LOXHD1: variants seen among roughly 807,000 people sequenced by gnomAD.
LOXHD1 encodes lipoxygenase homology domain-containing protein 1.
LOXHD1 carries 205 observed loss-of-function variants against 248.2 expected under a neutral mutation model. The observed-to-expected ratio is 0.83, with a 90% CI of 0.74 to 0.93. LOXHD1 has a LOEUF of 0.93. LOXHD1 is among the 40% of genes least tolerant of loss of function. LOXHD1 has a pLI of 0.00. For synonymous variants in LOXHD1, 1,113 were observed against 1,162.8 expected (o/e 0.96, Z 0.87); for missense variants, 2,930 against 2,971.6 (o/e 0.99, Z 0.33).
intron 1 of LOXHD1, among the ~76,000 whole-genome samples, chr18:46,654,833 G>A (rs977125237): frequency 5.9e-5 from 9 of 152,124 alleles, no homozygotes; most frequent in African/African-American, 2.2e-4. Context: ...AGAATCCATG[G>A]TTCCCTTAGA....
At chr18:46,543,783 A>T (rs968350576) in intron 23 of LOXHD1, among the ~76,000 whole-genome samples, 3 of 152,196 alleles carry the variant, frequency 2.0e-5, no homozygotes, top group African/African-American at 7.2e-5. Context: ...CTCTAAGTCA[A>T]TGCTGCACCA....
rs1034235639 is a variant in LOXHD1 at position 46,639,743 on chromosome 18, C to G, written c.384G>C (p.Val128=). Residue 128 remains valine, a synonymous_variant, in exon 4 of 41, where the codon GTG becomes GTC. Transcript: ENST00000642948. ...NASWYLDHVI[V]TDMKRPHLRY... Reference sequence around the variant, plus strand: ...GGAGATGAGGCCTCTTCATGTCGGTCACAATCACATGGTCCAGGTACCAGC... The same window carrying G: ...GGAGATGAGGCCTCTTCATGTCGGTGACAATCACATGGTCCAGGTACCAGC... The G allele has an allele frequency of 7.7e-6, 12 of 1,551,580 alleles. No homozygotes were observed. In the Admixed American group the frequency reaches 9.8e-5, roughly 13 times the overall value.
At chr18:46,512,810 T>C (rs2035044121) in intron 34 of LOXHD1, among the ~76,000 whole-genome samples, 1 of 152,238 alleles carries the variant, frequency 6.6e-6, no homozygotes, top group Non-Finnish European at 1.5e-5. Flanking sequence ...AACAAACCAC[T>C]GGATCTCTCT....
chr18:46,597,647 A>T (rs2144263661), intron 8 of LOXHD1, among the ~76,000 whole-genome samples: 1 of 152,278 alleles, frequency 6.6e-6, no homozygotes, highest in South Asian at 2.1e-4. Context: ...AATTTTTTAC[A>T]GTCTCTTTTA....
chr18:46,555,890 C>T (rs1324580336), intron 21 of LOXHD1, among the ~76,000 whole-genome samples: 1 of 152,084 alleles, frequency 6.6e-6, no homozygotes, highest in African/African-American at 2.4e-5. Context: ...CTCTTCCCAG[C>T]CCAACTCATG....
At chr18:46,638,494 G>A (rs1470340277) in intron 4 of LOXHD1, among the ~76,000 whole-genome samples, 1 of 152,128 alleles carries the variant, frequency 6.6e-6, no homozygotes, top group East Asian at 1.9e-4. Flanking sequence ...TTAGCTGGGT[G>A]TGGTGTCAGG....
intron 20 of LOXHD1, chr18:46,559,056 T>C (rs1186667578): frequency 3.2e-6 from 3 of 952,040 alleles, no homozygotes; most frequent in Non-Finnish European, 4.4e-6. Context: ...TGCCTTTATA[T>C]GTCTACACCA....
chr18:46,627,230 T>G (rs118135949), intron 4 of LOXHD1, among the ~76,000 whole-genome samples: 1 of 152,152 alleles, frequency 6.6e-6, no homozygotes, highest in South Asian at 2.1e-4. Context: ...TGAGTGGCTG[T>G]GAGGCTGGAG....
Position 46,569,466 on chromosome 18 carries a change from G to A in LOXHD1, c.2220C>T (p.Thr740=), listed in dbSNP as rs1247474817. The A allele has an allele frequency of 1.9e-6, 3 of 1,552,142 alleles. No individual in the cohort carries two copies. The highest frequency in any genetic ancestry group is 3.9e-5 in the Admixed American group (2 of 51,002). Residue 740 remains threonine (T), a synonymous_variant, in exon 16 of 41, where the codon ACC becomes ACT. Coordinates refer to ENST00000642948, the MANE Select transcript of LOXHD1 (RefSeq NM_001384474.1). ...YFERGRVDEF[T]LETLNIGNIN... ...CATTTCCAATGTTCAGGGTCTCGAG[G>A]GTGAACTCATCCACCCGGCCACGTT...
chr18:46,604,050 G>C, intron 7 of LOXHD1, 56 bp downstream of exon 7: 18 of 1,546,146 alleles, frequency 1.2e-5, no homozygotes, highest in East Asian at 2.5e-5. Flanking sequence ...TGCCAACAGC[G>C]ACCCTTAGGC....
At chr18:46,574,853 G>A (rs894931608) in intron 14 of LOXHD1, among the ~76,000 whole-genome samples, 20 of 152,138 alleles carry the variant, frequency 1.3e-4, no homozygotes, top group Non-Finnish European at 2.1e-4. Context: ...GCAGGTGGAC[G>A]GCTAGACTTC....
rs368303635 is a variant in LOXHD1, at chr18:46,483,731, G to A, written c.6197C>T (p.Thr2066Met). Residue 2066 changes from threonine (T) to methionine (M), a missense_variant, in exon 40 of 41, where the codon ACG (threonine) becomes ATG (methionine). Transcript: ENST00000642948. The stretch of plus-strand genomic sequence containing the variant: ...CAAGTAGATGCTGTCAAACTCAAAC[G>A]TGTCTGTGGTCCCCCTGCAGGAAAC... ...QRAFRKGTTDTFEFDSIYLGD... is the reference protein window; with the variant it reads ...QRAFRKGTTDMFEFDSIYLGD... The A allele has an allele frequency of 1.7e-5, 27 of 1,549,048 alleles. No individual in the cohort carries two copies. Among genetic ancestry groups the A allele is most frequent in the Admixed American group, 7.9e-5 (4 of 50,646 alleles).
At chr18:46,513,253 T>C (rs2035069989) in intron 34 of LOXHD1, among the ~76,000 whole-genome samples, 1 of 152,258 alleles carries the variant, frequency 6.6e-6, no homozygotes, top group East Asian at 1.9e-4. Flanking sequence ...AACCTTTGAC[T>C]GTTCTTCATG....
At chr18:46,502,668 A>T (rs2034310398) in intron 37 of LOXHD1, among the ~76,000 whole-genome samples, 1 of 152,102 alleles carries the variant, frequency 6.6e-6, no homozygotes, top group South Asian at 2.1e-4. Context: ...AAGACTGCTG[A>T]GTGATTTCTA....
Position 46,534,372 on chromosome 18 carries a change from G to A in LOXHD1, c.4175C>T (p.Ser1392Phe). The change falls in exon 27 of 41, where the codon TCT (serine) becomes TTT (phenylalanine). Residue 1392 changes from serine to phenylalanine, a missense_variant. Ser to Phe is a radical substitution (Grantham distance 155). Coordinates refer to ENST00000642948, the MANE Select transcript of LOXHD1 (RefSeq NM_001384474.1). ...GAGGAGCCTGCGGATGTCCACGTGAGAGCAGTGCCACCCAGGATTCATGCC... is the reference window on the plus strand; with the variant it reads ...GAGGAGCCTGCGGATGTCCACGTGAAAGCAGTGCCACCCAGGATTCATGCC... ...NTGMNPGWHC[S>F]HVDIRRLLPD... 2 of 1,551,664 alleles carry A rather than the reference G, an allele frequency of 1.3e-6. No homozygotes were observed. Among genetic ancestry groups the A allele is most frequent in the Non-Finnish European group, 1.7e-6 (2 of 1,146,960 alleles).
In LOXHD1 at chr18:46,542,837, G is replaced by A; in HGVS notation, c.3638C>T (p.Ser1213Phe). 6.4e-7 allele frequency: 1 copy of A among 1,551,656 alleles called. No individual in the cohort carries two copies. The highest frequency in any genetic ancestry group is 1.2e-5 in the South Asian group (1 of 84,040). Residue 1213 changes from serine (S) to phenylalanine (F), a missense_variant, in exon 24 of 41, where the codon TCC (serine) becomes TTC (phenylalanine). Transcript: ENST00000642948. ...QDDTGMTLLK[S>F]SKTNSDKFER... The stretch of plus-strand genomic sequence containing the variant: ...AAACTTATCGCTGTTTGTCTTGGAG[G>A]ACTTCAGGAGGGTCATTCCTGTGGA...
chr18:46,649,897 A>G (rs1032883646), intron 1 of LOXHD1, among the ~76,000 whole-genome samples: 11 of 152,172 alleles, frequency 7.2e-5, no homozygotes, highest in African/African-American at 2.7e-4. Flanking sequence ...GAGAGAAGGC[A>G]AGAATGCATC....
At chr18:46,610,970 A>AG in intron 5 of LOXHD1, 46 bp from the exon 6 acceptor site, 1 of 1,544,180 alleles carries the variant, frequency 6.5e-7, no homozygotes, top group Non-Finnish European at 8.7e-7. Context: ...GACCAGAAGA[A>AG]AAGAATTTCC....
intron 16 of LOXHD1, among the ~76,000 whole-genome samples, chr18:46,568,865 C>T (rs978016424): frequency 6.6e-6 from 1 of 152,166 alleles, no homozygotes; most frequent in African/African-American, 2.4e-5. Flanking sequence ...CTTTACTGTT[C>T]AGCTTTCTCT....
Sources: gnomAD v4.1 joint callset for allele counts (sites outside exome capture counted in the v4.1 genomes callset) on GRCh38, gnomAD v4.1.1 for gene constraint, MANE v1.5 for transcripts, NCBI Gene and HGNC (gene_info 2026-07-23, HGNC 2026-07-21) for gene names.